ZBTB7C: variants seen among roughly 807,000 people sequenced by gnomAD.
The protein encoded by ZBTB7C is zinc finger and BTB domain containing 7C, also known as zinc finger and BTB domain-containing protein 7C.
A neutral mutation model predicts 25.7 loss-of-function variants in ZBTB7C; 8 were observed. The ratio of observed to expected loss-of-function variants is 0.31; its 90% CI spans 0.18 to 0.56. The LOEUF (loss-of-function observed/expected upper bound fraction) is 0.56. Ranked by LOEUF, ZBTB7C falls within the 20% of genes least tolerant of loss-of-function variation. The pLI is 0.91. For synonymous variants in ZBTB7C, 394 were observed against 369.0 expected (o/e 1.07, Z -0.78); for missense variants, 824 against 855.2 (o/e 0.96, Z 0.46).
chr18:48,085,650 G>A (rs545450209), intron 3 of ZBTB7C, among the ~76,000 whole-genome samples: 1 of 152,304 alleles, frequency 6.6e-6, no homozygotes, highest in Non-Finnish European at 1.5e-5. Flanking sequence ...AACAATTCCT[G>A]GCTGGCAGGA....
chr18:48,325,554 A>G (rs2144878179), intron 2 of ZBTB7C, among the ~76,000 whole-genome samples: 1 of 152,368 alleles, frequency 6.6e-6, no homozygotes, highest in South Asian at 2.1e-4. Context: ...TCATTTTATT[A>G]CCACATACAG....
chr18:48,267,383 G>A (rs1411243620), intron 2 of ZBTB7C, among the ~76,000 whole-genome samples: 1 of 152,226 alleles, frequency 6.6e-6, no homozygotes, highest in Non-Finnish European at 1.5e-5. Context: ...GGGATAAAGA[G>A]TGGCCTGGCA....
At chr18:48,233,983 C>T (rs1843544764) in intron 2 of ZBTB7C, among the ~76,000 whole-genome samples, 1 of 152,146 alleles carries the variant, frequency 6.6e-6, no homozygotes, top group South Asian at 2.1e-4. Context: ...TCAGTTCCTT[C>T]CAACACTAAA....
chr18:48,322,171 T>G (rs2046111581), intron 2 of ZBTB7C, among the ~76,000 whole-genome samples: 1 of 152,176 alleles, frequency 6.6e-6, no homozygotes, highest in Non-Finnish European at 1.5e-5. Context: ...TAGTTTCCAG[T>G]GGACTTGGCT....
At chr18:48,197,570 A>G (rs550217785) in intron 2 of ZBTB7C, among the ~76,000 whole-genome samples, 64 of 152,324 alleles carry the variant, frequency 4.2e-4, no homozygotes, top group Non-Finnish European at 7.6e-4. Flanking sequence ...GTGTGACTTT[A>G]ACATCAGAAA....
intron 2 of ZBTB7C, among the ~76,000 whole-genome samples, chr18:48,291,923 C>T (rs111817897): frequency 0.019 from 2,890 of 152,248 alleles, 137 homozygotes; most frequent in East Asian, 0.14. Context: ...ATTAGCCGGG[C>T]GTGGTGGCTC....
intron 3 of ZBTB7C, among the ~76,000 whole-genome samples, chr18:48,075,643 G>A (rs371174663): frequency 4.7e-4 from 71 of 152,264 alleles, no homozygotes; most frequent in African/African-American, 1.7e-3. Context: ...GAGAGCAAGA[G>A]CTCTCAGGCC....
In ZBTB7C at chr18:48,040,294, C is replaced by T. The variant is rs45439397; in HGVS notation, c.814G>A (p.Glu272Lys). The change falls in exon 4 of 5, where the codon GAG (glutamate) becomes AAG (lysine). Residue 272 changes from glutamate (E) to lysine (K), a missense_variant. This residue lies in a region of ZBTB7C where 316 missense variants were observed against 299.2 expected (regional missense o/e 1.06). Coordinates refer to ENST00000590800, the MANE Select transcript of ZBTB7C (RefSeq NM_001318841.2). ...GDFGAFAQLP[E>K]QPMDSGPLDL... is the part of the protein sequence containing the mutation. ...AGTGGCCCACTGTCCATGGGCTGCT[C>T]AGGCAGCTGGGCAAAGGCACCGAAG... is the stretch of plus-strand genomic sequence containing the variant. The T allele has an allele frequency of 1.3e-6, 2 of 1,574,932 alleles. No individual in the cohort carries two copies. The highest frequency in any genetic ancestry group is 3.6e-5 in the Admixed American group (2 of 55,006).
In ZBTB7C at chr18:48,289,061, G is replaced by A. The variant is rs191263187; in HGVS notation, c.-79+49113C>T. 8.5e-5 allele frequency among the ~76,000 whole-genome samples: 13 copies of A among 152,260 alleles called. No homozygotes were observed. In the East Asian group the frequency reaches 2.5e-3, roughly 29 times the overall value. On this transcript the variant is annotated intron_variant, in intron 2 of 4. Coordinates refer to ENST00000590800, the MANE Select transcript of ZBTB7C (RefSeq NM_001318841.2). ...TCAGTGACCAATCAGGGAAATGCAA[G>A]GCTATGCACAACGCGAAACCACTTC...
intron 1 of ZBTB7C, among the ~76,000 whole-genome samples, chr18:48,367,452 T>C (rs893198391): frequency 6.8e-6 from 1 of 148,112 alleles, no homozygotes. Context: ...GACAGCAGGA[T>C]GGTGAGTTTT....
At chr18:48,120,099 C>A (rs1284384912) in intron 3 of ZBTB7C, among the ~76,000 whole-genome samples, 1 of 152,126 alleles carries the variant, frequency 6.6e-6, no homozygotes, top group East Asian at 1.9e-4. Flanking sequence ...TGGGTACAGC[C>A]CTCTGACTAG....
intron 2 of ZBTB7C, among the ~76,000 whole-genome samples, chr18:48,299,219 AC>A (rs1237299190): frequency 6.6e-6 from 1 of 152,136 alleles, no homozygotes; most frequent in Non-Finnish European, 1.5e-5. Context: ...GACTCTTTCC[AC>A]ACATTTAATG....
At chr18:48,367,372 A>ATATATATATATAT (rs1555752154) in intron 1 of ZBTB7C, among the ~76,000 whole-genome samples, 9 of 116,164 alleles carry the variant, frequency 7.7e-5, no homozygotes, top group African/African-American at 2.5e-4. Context: ...ATATATATAT[A>ATATATATATATAT]AAATACAAAC....
chr18:48,190,931 T>C (rs2042178989), intron 2 of ZBTB7C, among the ~76,000 whole-genome samples: 1 of 152,224 alleles, frequency 6.6e-6, no homozygotes, highest in Non-Finnish European at 1.5e-5. Context: ...AATCGGCATG[T>C]GACACAAAAT....
chr18:48,269,066 T>G (rs1337815691), intron 2 of ZBTB7C, among the ~76,000 whole-genome samples: 1 of 151,452 alleles, frequency 6.6e-6, no homozygotes, highest in Non-Finnish European at 1.5e-5. Flanking sequence ...GTTCAAGTGA[T>G]TCTCATGCCT....
chr18:48,100,893 T>C (rs2038806083), intron 3 of ZBTB7C, among the ~76,000 whole-genome samples: 1 of 97,210 alleles, frequency 1.0e-5, no homozygotes, highest in African/African-American at 3.4e-5. Context: ...GCCCTGCCTG[T>C]AGGGGCGGTA....
At chr18:48,034,840 G>C (rs1356232390) in intron 4 of ZBTB7C, among the ~76,000 whole-genome samples, 1 of 152,098 alleles carries the variant, frequency 6.6e-6, no homozygotes, top group African/African-American at 2.4e-5. Flanking sequence ...GCTCATCGTC[G>C]GGAAAGTCAT....
intron 3 of ZBTB7C, among the ~76,000 whole-genome samples, chr18:48,096,117 G>A (rs551267553): frequency 1.3e-5 from 2 of 152,310 alleles, no homozygotes; most frequent in African/African-American, 2.4e-5. Context: ...TTTTATAGAA[G>A]TTTCCTTTAG....
At chr18:48,266,522 T>C (rs1162008997) in intron 2 of ZBTB7C, among the ~76,000 whole-genome samples, 7 of 152,208 alleles carry the variant, frequency 4.6e-5, no homozygotes, top group Non-Finnish European at 8.8e-5. Flanking sequence ...TCTAGCACTA[T>C]AGAGAAACAG....
Sources: gnomAD v4.1 joint callset for allele counts (sites outside exome capture counted in the v4.1 genomes callset) on GRCh38, gnomAD v4.1.1 for gene constraint, gnomAD v4.1.1 regional missense constraint, MANE v1.5 for transcripts, NCBI Gene and HGNC (gene_info 2026-07-23, HGNC 2026-07-21) for gene names.